The following MXD1 variants were observed in gnomAD, a reference collection of about 807,000 sequenced individuals.
MXD1 encodes MAX dimerization protein 1, also known as MAX-binding protein.
Under a neutral mutation model 25.7 loss-of-function variants are expected in MXD1, and 9 were observed. The ratio of observed to expected loss-of-function variants is 0.35; its 90% CI spans 0.21 to 0.61. The LOEUF (loss-of-function observed/expected upper bound fraction) is 0.61. MXD1 is among the 20% of genes least tolerant of loss of function. The pLI, the probability that MXD1 is intolerant of heterozygous loss-of-function variation, is 0.75. For missense variants in MXD1, 227 were observed against 292.4 expected, an observed-to-expected ratio of 0.78 and a Z score of 1.63; for synonymous variants, 99 against 113.9, an observed-to-expected ratio of 0.87 and a Z score of 0.83.
intron 4 of MXD1, 46 bp downstream of exon 4, chr2:69,935,511 AG>A (rs1482171057): frequency 1.5e-6 from 2 of 1,343,822 alleles, no homozygotes; most frequent in Admixed American, 3.4e-5. Context: ...CTGTTCAGTG[AG>A]GGTTTGTCTG....
chr2:69,931,486 A>G (rs1677283057), intron 3 of MXD1, among the ~76,000 whole-genome samples: 1 of 152,140 alleles, frequency 6.6e-6, no homozygotes, highest in Admixed American at 6.5e-5. Flanking sequence ...AGTTCCATCC[A>G]TGTTGTTGCA....
At chr2:69,923,484 G>T (rs543676273) in intron 3 of MXD1, among the ~76,000 whole-genome samples, 5 of 152,316 alleles carry the variant, frequency 3.3e-5, no homozygotes, top group African/African-American at 9.6e-5. Flanking sequence ...GGATCTGAAT[G>T]ATATTTATGT....
intron 3 of MXD1, among the ~76,000 whole-genome samples, chr2:69,922,126 GATAT>G (rs1677076603): frequency 6.6e-6 from 1 of 152,120 alleles, no homozygotes; most frequent in African/African-American, 2.4e-5. Context: ...CATATACACA[GATAT>G]ATATACACAT....
chr2:69,934,896 A>G lies in MXD1; in HGVS notation c.204-455A>G, dbSNP rs186836702. Among the ~76,000 whole-genome samples, 16 of 152,360 alleles carry G rather than the reference A, an allele frequency of 1.1e-4. No homozygotes were observed. In the East Asian group the frequency reaches 3.1e-3, roughly 29 times the overall value. ...GCTATTACAAATAAAGCTTCAACAA[A>G]TAACTCCACAGATATATATGCTCCT... is the stretch of plus-strand genomic sequence containing the variant. On this transcript the variant is annotated intron_variant, in intron 3 of 5. Transcript: ENST00000264444.
At chr2:69,931,118 A>G (rs558942575) in intron 3 of MXD1, among the ~76,000 whole-genome samples, 1 of 152,356 alleles carries the variant, frequency 6.6e-6, no homozygotes, top group Admixed American at 6.5e-5. Flanking sequence ...TGCAATGCAT[A>G]ATAATCACAT....
intron 2 of MXD1, among the ~76,000 whole-genome samples, chr2:69,917,980 G>A (rs756513982): frequency 5.9e-5 from 9 of 152,190 alleles, no homozygotes; most frequent in Non-Finnish European, 8.8e-5. Context: ...GAGAGACCAT[G>A]ATTAAACCTA....
chr2:69,930,460 C>T (rs1677257967), intron 3 of MXD1, among the ~76,000 whole-genome samples: 1 of 152,184 alleles, frequency 6.6e-6, no homozygotes, highest in African/African-American at 2.4e-5. Context: ...ACCCCTGACT[C>T]TCAATGATGT....
chr2:69,923,260 A>G (rs2104171944), intron 3 of MXD1, among the ~76,000 whole-genome samples: 1 of 152,276 alleles, frequency 6.6e-6, no homozygotes, highest in South Asian at 2.1e-4. Context: ...TCCCCAGGTG[A>G]TTCTCATGTG....
chr2:69,941,132 GA>G lies in MXD1; in HGVS notation c.*2851del, dbSNP rs1017214867. 4 of 152,128 alleles carry G rather than the reference GA, an allele frequency of 2.6e-5. No homozygotes were observed. The highest frequency in any genetic ancestry group is 6.5e-5 in the Admixed American group (1 of 15,268). 9.4% of individuals were successfully genotyped at this position (152,128 alleles called of 1,614,324 possible). A position where few individuals can be genotyped will look rare whatever the true frequency, so the allele number is the denominator to read the frequency against. On this transcript the variant is annotated 3_prime_UTR_variant, in exon 6 of 6. Transcript: ENST00000264444. ...TATAGGCACATGCATATTTTTATGT[GA>G]AAGTTGATTTTAAAAAACTAAAAAA...
rs1179848481 is a variant in MXD1, at chr2:69,940,231, T to C, written c.*1947T>C. 6.6e-6 allele frequency: 1 copy of C among 152,118 alleles called. No homozygotes were observed. The highest frequency in any genetic ancestry group is 1.5e-5 in the Non-Finnish European group (1 of 68,030). 9.4% of individuals were successfully genotyped at this position (152,118 alleles called of 1,614,324 possible). A position where few individuals can be genotyped will look rare whatever the true frequency, so the allele number is the denominator to read the frequency against. On this transcript the variant is annotated 3_prime_UTR_variant, in exon 6 of 6. Coordinates refer to ENST00000264444, the MANE Select transcript of MXD1 (RefSeq NM_002357.4). ...ACTGAAATACAACTTGTATGCCTTTTGCATTTTTAAAGCCTGCTTCCTGGA... is the reference window on the plus strand; with the variant it reads ...ACTGAAATACAACTTGTATGCCTTTCGCATTTTTAAAGCCTGCTTCCTGGA...
chr2:69,919,469 C>T lies in MXD1; in HGVS notation c.174-2267C>T, dbSNP rs1573399692. 2.6e-5 allele frequency among the ~76,000 whole-genome samples: 4 copies of T among 152,216 alleles called. No homozygotes were observed. The South Asian group carries it at 8.3e-4, about 32-fold the overall frequency. On this transcript the variant is annotated intron_variant, in intron 2 of 5. Transcript: ENST00000264444. ...AAGTGATTCTCCTGCCTCAGCCTCC[C>T]GAGTAGCTGGGATTACAGGCGTATG...
intron 3 of MXD1, among the ~76,000 whole-genome samples, chr2:69,930,967 C>T (rs1236977257): frequency 6.6e-6 from 1 of 152,154 alleles, no homozygotes; most frequent in Non-Finnish European, 1.5e-5. Context: ...AGTAATTTGC[C>T]CAGGGTCACA....
intron 2 of MXD1, among the ~76,000 whole-genome samples, chr2:69,921,017 G>A (rs1049800022): frequency 1.3e-5 from 2 of 152,024 alleles, no homozygotes; most frequent in South Asian, 2.1e-4. Context: ...TAAATAATTC[G>A]TAATTATTTT....
At chr2:69,921,637 C>A in intron 2 of MXD1, 99 bp from the exon 3 acceptor site, 1 of 1,109,288 alleles carries the variant, frequency 9.0e-7, no homozygotes, top group Non-Finnish European at 1.3e-6. Context: ...TCTCTCCTAT[C>A]AACTTTGGAG....
intron 3 of MXD1, among the ~76,000 whole-genome samples, chr2:69,932,610 A>G (rs1450920677): frequency 6.6e-6 from 1 of 152,242 alleles, no homozygotes; most frequent in Non-Finnish European, 1.5e-5. Context: ...AGCTGGAATT[A>G]GTCAAATGGC....
intron 3 of MXD1, among the ~76,000 whole-genome samples, chr2:69,934,290 T>C (rs1677368810): frequency 6.6e-6 from 1 of 152,198 alleles, no homozygotes. Flanking sequence ...AAGGAGGTGG[T>C]AAGCTTAAGC....
At position 69,940,171 on chromosome 2, in the gene MXD1, T is replaced by C. The variant is rs879229400; in HGVS notation, c.*1887T>C. 6.6e-6 allele frequency: 1 copy of C among 151,996 alleles called. No individual in the cohort carries two copies. The highest frequency in any genetic ancestry group is 2.1e-4 in the South Asian group (1 of 4,820). The allele number at this position is 151,996 out of a possible 1,614,324, so 9.4% of individuals were successfully genotyped here. Reference sequence around the variant, plus strand: ...GATTTTTTTTTTTTTTTTTTAATTTTTGGAATCTTTTCCAATAACCAGCTA... The same window carrying C: ...GATTTTTTTTTTTTTTTTTTAATTTCTGGAATCTTTTCCAATAACCAGCTA... On this transcript the variant is annotated 3_prime_UTR_variant, in exon 6 of 6. Coordinates refer to ENST00000264444, the MANE Select transcript of MXD1 (RefSeq NM_002357.4).
chr2:69,937,202 G>A (rs760135568), intron 4 of MXD1, 33 bp from the exon 5 acceptor site: 1 of 1,611,010 alleles, frequency 6.2e-7, no homozygotes, highest in Admixed American at 1.7e-5. Context: ...AGATCTCCCT[G>A]TGGGGCCCAA....
chr2:69,928,396 A>G (rs1028820601), intron 3 of MXD1, among the ~76,000 whole-genome samples: 1 of 152,188 alleles, frequency 6.6e-6, no homozygotes, highest in Non-Finnish European at 1.5e-5. Flanking sequence ...AAAAGAAAGA[A>G]TATGTTTGGT....
Sources: gnomAD v4.1 joint callset for allele counts (sites outside exome capture counted in the v4.1 genomes callset) on GRCh38, gnomAD v4.1.1 for gene constraint, MANE v1.5 for transcripts, NCBI Gene and HGNC (gene_info 2026-07-23, HGNC 2026-07-21) for gene names.